The following CDH6 variants were observed in gnomAD, a reference collection of about 807,000 sequenced individuals.
The protein encoded by CDH6 is cadherin-6.
Under a neutral mutation model 78.0 loss-of-function variants are expected in CDH6, and 31 were observed. The observed-to-expected ratio is 0.40, with a 90% CI of 0.30 to 0.54. CDH6 has a LOEUF of 0.54. Ranked by LOEUF, CDH6 falls within the 20% of genes least tolerant of loss-of-function variation. CDH6 has a pLI of 0.56. For synonymous variants in CDH6, 376 were observed against 368.8 expected (o/e 1.02, Z -0.23); for missense variants, 724 against 975.9 (o/e 0.74, Z 3.44).
intron 2 of CDH6, among the ~76,000 whole-genome samples, chr5:31,283,682 C>A (rs1240444282): frequency 2.0e-5 from 3 of 150,962 alleles, no homozygotes; most frequent in African/African-American, 7.3e-5. Context: ...TCAATTAAAT[C>A]ATTTCTACTA....
intron 2 of CDH6, among the ~76,000 whole-genome samples, chr5:31,283,063 T>C (rs867867390): frequency 7.2e-5 from 11 of 152,148 alleles, no homozygotes; most frequent in Non-Finnish European, 1.2e-4. Flanking sequence ...TTAAGTTTGA[T>C]CAATGTTCTC....
At chr5:31,314,148 T>C (rs1257183125) in intron 8 of CDH6, among the ~76,000 whole-genome samples, 1 of 152,144 alleles carries the variant, frequency 6.6e-6, no homozygotes, top group East Asian at 1.9e-4. Flanking sequence ...AAAAATGATC[T>C]TTTTTTAATT....
chr5:31,201,652 T>C (rs1485581835), intron 1 of CDH6, among the ~76,000 whole-genome samples: 2 of 152,130 alleles, frequency 1.3e-5, no homozygotes, highest in African/African-American at 2.4e-5. Context: ...CTTTAAAAAA[T>C]AAAACTGTTA....
At chr5:31,236,181 A>G (rs912695641) in intron 1 of CDH6, among the ~76,000 whole-genome samples, 1 of 152,228 alleles carries the variant, frequency 6.6e-6, no homozygotes, top group Admixed American at 6.5e-5. Flanking sequence ...TACATTTTCT[A>G]TATTCAGTTG....
chr5:31,324,043 G>C lies in CDH6; in HGVS notation c.*735G>C. ...CCTTTGTACCATATAAAGGGGGAGG[G>C]AAATAGCTAATAATGTTAACCAAGG... On this transcript the variant is annotated 3_prime_UTR_variant, in exon 12 of 12. Transcript: ENST00000265071. 1 of 225,588 alleles carries C rather than the reference G, an allele frequency of 4.4e-6. No individual in the cohort carries two copies. Among genetic ancestry groups the C allele is most frequent in the East Asian group, 6.5e-5 (1 of 15,492 alleles). The allele number at this position is 225,588 out of a possible 1,614,324, so 14.0% of individuals were successfully genotyped here.
At position 31,324,117 on chromosome 5, in the gene CDH6, G is replaced by A. The variant is rs967991176; in HGVS notation, c.*809G>A. 4 of 220,984 alleles carry A rather than the reference G, an allele frequency of 1.8e-5. No homozygotes were observed. The highest frequency in any genetic ancestry group is 2.7e-5 in the Non-Finnish European group (3 of 110,586). 13.7% of individuals were successfully genotyped at this position (220,984 alleles called of 1,614,324 possible). A position where few individuals can be genotyped will look rare whatever the true frequency, so the allele number is the denominator to read the frequency against. ...AAGTTTTGGCCACCACATGTATCAC[G>A]GGTCACTTGAAATTCTTTCAGCTAT... On this transcript the variant is annotated 3_prime_UTR_variant, in exon 12 of 12. Coordinates refer to ENST00000265071, the MANE Select transcript of CDH6 (RefSeq NM_004932.4).
chr5:31,263,247 C>T (rs1742256293), intron 1 of CDH6, among the ~76,000 whole-genome samples: 1 of 148,450 alleles, frequency 6.7e-6, no homozygotes, highest in African/African-American at 2.5e-5. Flanking sequence ...ACATGTGATT[C>T]AGGTCTCTCT....
At chr5:31,279,759 TA>T (rs1338487502) in intron 2 of CDH6, among the ~76,000 whole-genome samples, 1 of 152,174 alleles carries the variant, frequency 6.6e-6, no homozygotes, top group Non-Finnish European at 1.5e-5. Flanking sequence ...GAAGAAAATC[TA>T]AGTATAAGTG....
chr5:31,255,702 T>A (rs1036935305), intron 1 of CDH6, among the ~76,000 whole-genome samples: 2 of 152,200 alleles, frequency 1.3e-5, no homozygotes, highest in Non-Finnish European at 2.9e-5. Flanking sequence ...TAATAGTTAG[T>A]CTCAGGGAAG....
At chr5:31,236,659 T>C (rs1741462161) in intron 1 of CDH6, among the ~76,000 whole-genome samples, 1 of 152,174 alleles carries the variant, frequency 6.6e-6, no homozygotes, top group Admixed American at 6.6e-5. Context: ...AAAGGAGGGC[T>C]CTGCTTGGGA....
chr5:31,273,970 A>C (rs1336118473), intron 2 of CDH6, among the ~76,000 whole-genome samples: 1 of 152,206 alleles, frequency 6.6e-6, no homozygotes, highest in East Asian at 1.9e-4. Context: ...GTTCTGGTTC[A>C]ATGACCTGCA....
At chr5:31,234,704 C>T (rs1430425669) in intron 1 of CDH6, among the ~76,000 whole-genome samples, 2 of 152,190 alleles carry the variant, frequency 1.3e-5, no homozygotes, top group East Asian at 1.9e-4. Flanking sequence ...GACCTTTCTT[C>T]TTTTCTAGGC....
rs1465288584 is a variant in CDH6 at position 31,320,577 on chromosome 5, C to T, written c.1883-2241C>T. Among the ~76,000 whole-genome samples, 6 of 152,298 alleles carry T rather than the reference C, an allele frequency of 3.9e-5. No individual in the cohort carries two copies. In the East Asian group the frequency reaches 1.2e-3, roughly 29 times the overall value. On this transcript the variant is annotated intron_variant, in intron 11 of 11. Coordinates refer to ENST00000265071, the MANE Select transcript of CDH6 (RefSeq NM_004932.4). ...TTGCAAATCCGTGTCATTGTTCACA[C>T]TGGCAACCAGTATGAAAGGTAGATC...
chr5:31,260,188 G>T (rs904731650), intron 1 of CDH6, among the ~76,000 whole-genome samples: 2 of 152,182 alleles, frequency 1.3e-5, no homozygotes, highest in African/African-American at 4.8e-5. Context: ...GACCTCACAT[G>T]AATTCATTCA....
chr5:31,282,577 C>A (rs1408364674), intron 2 of CDH6, among the ~76,000 whole-genome samples: 4 of 152,128 alleles, frequency 2.6e-5, no homozygotes, highest in African/African-American at 7.2e-5. Flanking sequence ...GTGTAAAGTT[C>A]TTTTTGCCAT....
rs1023220334 is a variant in CDH6, at chr5:31,328,476, G to A, written c.*5168G>A. 1.5e-5 allele frequency: 3 copies of A among 206,864 alleles called. No individual in the cohort carries two copies. The highest frequency in any genetic ancestry group is 6.0e-5 in the Admixed American group (1 of 16,780). The allele number at this position is 206,864 out of a possible 1,614,324, so 12.8% of individuals were successfully genotyped here. A position where few individuals can be genotyped will look rare whatever the true frequency, so the allele number is the denominator to read the frequency against. The stretch of plus-strand genomic sequence containing the variant: ...TAGCAAATGTAAAACTGACCTGCTC[G>A]GAAGAAACGTAGGAACGCTTCAAAC... On this transcript the variant is annotated 3_prime_UTR_variant, in exon 12 of 12. Coordinates refer to ENST00000265071, the MANE Select transcript of CDH6 (RefSeq NM_004932.4).
At chr5:31,214,140 TAA>T (rs397809617) in intron 1 of CDH6, among the ~76,000 whole-genome samples, 2,024 of 129,944 alleles carry the variant, frequency 0.016, 54 homozygotes, top group African/African-American at 0.056. Flanking sequence ...ATCTGTGCCT[TAA>T]AAAAAAAAAA....
chr5:31,322,886 G>T lies in CDH6; in HGVS notation c.1951G>T (p.Asp651Tyr), dbSNP rs1465447032. 1 of 1,614,146 alleles carries T rather than the reference G, an allele frequency of 6.2e-7. No homozygotes were observed. Among genetic ancestry groups the T allele is most frequent in the South Asian group, 1.1e-5 (1 of 91,082 alleles). Residue 651 changes from aspartate to tyrosine, a missense_variant, in exon 12 of 12, where the codon GAC (aspartate) becomes TAC (tyrosine). Asp to Tyr is a radical substitution (Grantham distance 160). Around this residue, in one of 3 missense-constraint regions of CDH6, gnomAD observed 220 missense variants for 240.6 expected, o/e 0.91. Transcript: ENST00000265071. ...KKEPLIISKE[D>Y]IRDNIVSYND... ...AGAGCCTTTGATCATTTCCAAAGAG[G>T]ACATCAGAGATAACATTGTCAGTTA... is the stretch of plus-strand genomic sequence containing the variant.
At chr5:31,301,334 G>GT (rs1196939080) in intron 5 of CDH6, among the ~76,000 whole-genome samples, 2 of 152,086 alleles carry the variant, frequency 1.3e-5, no homozygotes, top group African/African-American at 2.4e-5. Flanking sequence ...ATAAGCCTTG[G>GT]TTTTACTATT....
Sources: allele counts gnomAD v4.1 joint callset (sites outside exome capture counted in the v4.1 genomes callset), GRCh38; gene constraint gnomAD v4.1.1; regional missense constraint gnomAD v4.1.1; transcripts MANE v1.5; gene names NCBI Gene and HGNC (gene_info 2026-07-23, HGNC 2026-07-21).